Variants in TRPC7 observed in about 807,000 individuals in gnomAD.
The protein encoded by TRPC7 is short transient receptor potential channel 7.
A neutral mutation model predicts 90.1 loss-of-function variants in TRPC7; 42 were observed. The observed-to-expected ratio is 0.47, with a 90% CI of 0.36 to 0.60. The LOEUF (loss-of-function observed/expected upper bound fraction) is 0.60, where lower values mean the gene tolerates loss of function less well. TRPC7 is among the 20% of genes least tolerant of loss of function. The pLI is 0.00. For missense variants in TRPC7, 955 were observed against 1,112.3 expected (o/e 0.86, Z 2.01); for synonymous variants, 451 against 436.3 (o/e 1.03, Z -0.42).
intron 3 of TRPC7, among the ~76,000 whole-genome samples, chr5:136,293,484 TA>T (rs1266809889): frequency 6.6e-6 from 1 of 152,174 alleles, no homozygotes; most frequent in Non-Finnish European, 1.5e-5. Context: ...CAAGCATTCT[TA>T]TACACAAATA....
intron 2 of TRPC7, among the ~76,000 whole-genome samples, chr5:136,337,810 T>G (rs1759713367): frequency 6.6e-6 from 1 of 152,106 alleles, no homozygotes; most frequent in African/African-American, 2.4e-5. Context: ...TCAGAAAGAC[T>G]CTTGGTCCAG....
chr5:136,281,233 C>T (rs1220467025), intron 3 of TRPC7, among the ~76,000 whole-genome samples: 1 of 152,168 alleles, frequency 6.6e-6, no homozygotes, highest in Non-Finnish European at 1.5e-5. Flanking sequence ...GGGCTTGAAG[C>T]CCCTTTTCTT....
At position 136,335,821 on chromosome 5, in the gene TRPC7, G is replaced by A. The variant is rs1404164773; in HGVS notation, c.781-20042C>T. ...CGGGAGGCTGAGGCAGGAGAATGGC[G>A]TGAACCCGGGAGGCGGAGCTTGCAG... On this transcript the variant is annotated intron_variant, in intron 2 of 11. Transcript: ENST00000513104. Among the ~76,000 whole-genome samples the A allele has an allele frequency of 3.3e-5, 5 of 149,278 alleles. No homozygotes were observed. The East Asian group carries it at 6.0e-4, about 18-fold the overall frequency.
chr5:136,223,412 G>C (rs143389350), intron 10 of TRPC7, among the ~76,000 whole-genome samples: 2,173 of 152,228 alleles, frequency 0.014, 41 homozygotes, highest in African/African-American at 0.043. Context: ...TCGGGAGTTT[G>C]AGACCAGCCT....
intron 4 of TRPC7, among the ~76,000 whole-genome samples, chr5:136,269,514 G>A (rs1010970059): frequency 2.6e-5 from 4 of 152,204 alleles, no homozygotes; most frequent in African/African-American, 9.6e-5. Flanking sequence ...CTGTGGCTGT[G>A]ATTGTGGTAG....
intron 2 of TRPC7, among the ~76,000 whole-genome samples, chr5:136,327,215 C>T (rs1759370843): frequency 6.6e-6 from 1 of 152,096 alleles, no homozygotes; most frequent in African/African-American, 2.4e-5. Flanking sequence ...TAGAGTGACC[C>T]AGTGTTGCAG....
chr5:136,342,483 A>G (rs1488330728), intron 2 of TRPC7, among the ~76,000 whole-genome samples: 2 of 152,132 alleles, frequency 1.3e-5, no homozygotes, highest in African/African-American at 4.8e-5. Flanking sequence ...AAGCTGACCT[A>G]TGGAAGCCAA....
chr5:136,270,085 C>T (rs1757160273), intron 4 of TRPC7, among the ~76,000 whole-genome samples: 1 of 152,106 alleles, frequency 6.6e-6, no homozygotes, highest in Non-Finnish European at 1.5e-5. Flanking sequence ...AAATCAAGTC[C>T]ATTTCAAGGT....
At chr5:136,272,316 G>A (rs1427411804) in intron 4 of TRPC7, among the ~76,000 whole-genome samples, 1 of 152,166 alleles carries the variant, frequency 6.6e-6, no homozygotes, top group Admixed American at 6.5e-5. Context: ...GGTTTTTCTG[G>A]GCATCAGGAA....
intron 1 of TRPC7, among the ~76,000 whole-genome samples, chr5:136,362,677 T>C (rs1201100336): frequency 6.6e-6 from 1 of 152,192 alleles, no homozygotes; most frequent in Non-Finnish European, 1.5e-5. Context: ...ATTAAGGATC[T>C]AGTCTGTCTG....
intron 3 of TRPC7, among the ~76,000 whole-genome samples, chr5:136,292,681 C>A (rs1228017889): frequency 6.6e-6 from 1 of 152,110 alleles, no homozygotes; most frequent in South Asian, 2.1e-4. Flanking sequence ...AAGTCCAGGA[C>A]CAGATGGATT....
chr5:136,357,303 G>C lies in TRPC7; in HGVS notation c.85C>G (p.Pro29Ala), dbSNP rs1398410010. 1.2e-6 allele frequency: 2 copies of C among 1,610,972 alleles called. No individual in the cohort carries two copies. The highest frequency in any genetic ancestry group is 1.7e-5 in the Admixed American group (1 of 60,028). ...EKGRRQAIRG[P>A]AYMFNEKGTS... ...CCCTTCTCGTTGAACATGTAGGCGG[G>C]ACCCCGGATGGCCTGGCGACGGCCC... Residue 29 changes from proline to alanine, a missense_variant, in exon 2 of 12, where the codon CCC becomes GCC. Physicochemically the swap from Pro to Ala is conservative, Grantham distance 27. Coordinates refer to ENST00000513104, the MANE Select transcript of TRPC7 (RefSeq NM_020389.3).
At chr5:136,317,188 C>G (rs1401390445) in intron 2 of TRPC7, among the ~76,000 whole-genome samples, 3 of 152,110 alleles carry the variant, frequency 2.0e-5, no homozygotes, top group African/African-American at 7.2e-5. Flanking sequence ...CCTCTCGGCT[C>G]AGGCGTGTAA....
At chr5:136,314,899 G>C (rs1403271212) in intron 3 of TRPC7, among the ~76,000 whole-genome samples, 1 of 152,176 alleles carries the variant, frequency 6.6e-6, no homozygotes. Context: ...TAAAAGAGCA[G>C]ATTCTAAAGC....
intron 3 of TRPC7, among the ~76,000 whole-genome samples, chr5:136,276,837 T>G (rs991239373): frequency 4.6e-5 from 7 of 152,224 alleles, no homozygotes; most frequent in Non-Finnish European, 1.0e-4. Context: ...TCTGTAATTC[T>G]CAGGGTCTAG....
intron 2 of TRPC7, among the ~76,000 whole-genome samples, chr5:136,330,164 G>A (rs370857207): frequency 7.6e-4 from 116 of 152,202 alleles, no homozygotes; most frequent in Non-Finnish European, 1.1e-3. Flanking sequence ...CACCTGCCCC[G>A]CCCCCACATG....
chr5:136,254,402 A>G (rs1042998882), intron 5 of TRPC7, among the ~76,000 whole-genome samples: 4 of 152,196 alleles, frequency 2.6e-5, no homozygotes, highest in Non-Finnish European at 5.9e-5. Flanking sequence ...AGTTGAAGCC[A>G]GTGTTCATGT....
chr5:136,313,822 C>G (rs761017987), intron 3 of TRPC7, among the ~76,000 whole-genome samples: 1 of 152,190 alleles, frequency 6.6e-6, no homozygotes, highest in Non-Finnish European at 1.5e-5. Context: ...ACCACTGGAG[C>G]CAATCATTTC....
chr5:136,321,430 T>G (rs1349655614), intron 2 of TRPC7, among the ~76,000 whole-genome samples: 1 of 152,208 alleles, frequency 6.6e-6, no homozygotes, highest in African/African-American at 2.4e-5. Context: ...ATAAAATTGA[T>G]AAGTGGAGAA....
Sources: allele counts gnomAD v4.1 joint callset (sites outside exome capture counted in the v4.1 genomes callset), GRCh38; gene constraint gnomAD v4.1.1; transcripts MANE v1.5; gene names NCBI Gene and HGNC (gene_info 2026-07-23, HGNC 2026-07-21).